CDH8: variants seen among roughly 807,000 people sequenced by gnomAD.
CDH8 encodes the protein cadherin 8.
A neutral mutation model predicts 68.1 loss-of-function variants in CDH8; 17 were observed. The ratio of observed to expected loss-of-function variants is 0.25; its 90% CI spans 0.17 to 0.37. CDH8 has a LOEUF of 0.37. Among genes scored for constraint, CDH8 ranks in the 10% least tolerant of loss-of-function variants. The pLI, the probability that CDH8 is intolerant of heterozygous loss-of-function variation, is 1.00. For missense variants in CDH8, 763 were observed against 999.3 expected (o/e 0.76, Z 3.19); for synonymous variants, 372 against 365.1 (o/e 1.02, Z -0.21).
rs1961668806 is a variant in CDH8, at chr16:61,802,300, C to T, written c.1278-12818G>A. Among the ~76,000 whole-genome samples, 3 of 63,444 alleles carry T rather than the reference C, an allele frequency of 4.7e-5. No homozygotes were observed. In the South Asian group the frequency reaches 1.8e-3, roughly 38 times the overall value. The allele number at this position is 63,444 out of a possible 152,430, so 41.6% of individuals were successfully genotyped here. A position where few individuals can be genotyped will look rare whatever the true frequency, so the allele number is the denominator to read the frequency against. On this transcript the variant is annotated intron_variant, in intron 7 of 11. Transcript: ENST00000577390. ...CTAACAAACAGAAAGGACATCCACACCGAAAACCCATCTGTACATCACCAT... is the reference window on the plus strand; with the variant it reads ...CTAACAAACAGAAAGGACATCCACATCGAAAACCCATCTGTACATCACCAT...
intron 2 of CDH8, among the ~76,000 whole-genome samples, chr16:62,016,572 A>T (rs1404052806): frequency 2.0e-5 from 3 of 152,212 alleles, no homozygotes; most frequent in Admixed American, 6.5e-5. Context: ...AAATAAGCAT[A>T]ATTGGGCTAA....
At chr16:61,972,157 A>G (rs949608331) in intron 2 of CDH8, among the ~76,000 whole-genome samples, 7 of 152,224 alleles carry the variant, frequency 4.6e-5, no homozygotes, top group South Asian at 2.1e-4. Context: ...TATAAATAAG[A>G]GTTCCCCTGC....
rs1012189172 is a variant in CDH8, at chr16:61,649,343, T to C, written c.*4265A>G. ...AGCCACAATTTCAATTTGTTGGCAG[T>C]GCGTGAGATTATGAGATGAAAAATT... On this transcript the variant is annotated 3_prime_UTR_variant, in exon 12 of 12. Coordinates refer to ENST00000577390, the MANE Select transcript of CDH8 (RefSeq NM_001796.5). The C allele has an allele frequency of 1.3e-5, 2 of 151,852 alleles. No homozygotes were observed. The highest frequency in any genetic ancestry group is 4.8e-5 in the African/African-American group (2 of 41,390). The allele number at this position is 151,852 out of a possible 1,614,324, so 9.4% of individuals were successfully genotyped here. A position where few individuals can be genotyped will look rare whatever the true frequency, so the allele number is the denominator to read the frequency against.
chr16:61,769,025 A>C lies in CDH8; in HGVS notation c.1414+20321T>G, dbSNP rs992462175. ...CAATATTTACCATATTGTAAGTTGA[A>C]CACACACACACACAAGAATATAGAA... On this transcript the variant is annotated intron_variant, in intron 8 of 11. Coordinates refer to ENST00000577390, the MANE Select transcript of CDH8 (RefSeq NM_001796.5). Among the ~76,000 whole-genome samples the C allele has an allele frequency of 2.0e-5, 3 of 151,358 alleles. No individual in the cohort carries two copies. The East Asian group carries it at 5.8e-4, about 29-fold the overall frequency.
rs773639196 is a variant in CDH8 at position 61,716,940 on chromosome 16, AAG to A, written c.1537-2984_1537-2983del. Among the ~76,000 whole-genome samples, 131 of 151,788 alleles carry A rather than the reference AAG, an allele frequency of 8.6e-4. No individual in the cohort carries two copies. In the Middle Eastern group the frequency reaches 0.014, roughly 16 times the overall value. On this transcript the variant is annotated intron_variant, in intron 9 of 11. Transcript: ENST00000577390. Reference sequence around the variant, plus strand: ...ACTTAGCTTTAAACAGTAAAAGAAAAAGAACAGATTTGTTCAAAGAAATGTAC... The same window carrying A: ...ACTTAGCTTTAAACAGTAAAAGAAAAAACAGATTTGTTCAAAGAAATGTAC...
At chr16:61,747,134 T>C (rs1960043334) in intron 8 of CDH8, among the ~76,000 whole-genome samples, 1 of 152,114 alleles carries the variant, frequency 6.6e-6, no homozygotes, top group Non-Finnish European at 1.5e-5. Context: ...CTAACTGAAT[T>C]AGTATCCATA....
At chr16:61,860,848 C>T (rs966881653) in intron 3 of CDH8, among the ~76,000 whole-genome samples, 5 of 151,984 alleles carry the variant, frequency 3.3e-5, no homozygotes, top group Admixed American at 6.6e-5. Flanking sequence ...TCTGAAAAAC[C>T]GTGTTGTTTT....
In CDH8 at chr16:61,649,682, T is replaced by G. The variant is rs2142728454; in HGVS notation, c.*3926A>C. ...TTCAATCAAAAAGGCAATCAGAAGG[T>G]TATACATTCGTGAGATTCCCTGCAA... is the stretch of plus-strand genomic sequence containing the variant. On this transcript the variant is annotated 3_prime_UTR_variant, in exon 12 of 12. Transcript: ENST00000577390. 1 of 152,068 alleles carries G rather than the reference T, an allele frequency of 6.6e-6. No individual in the cohort carries two copies. The highest frequency in any genetic ancestry group is 1.5e-5 in the Non-Finnish European group (1 of 67,974). The allele number at this position is 152,068 out of a possible 1,614,324, so 9.4% of individuals were successfully genotyped here.
Position 61,932,218 on chromosome 16 carries a change from A to AAAAAGAAAAG in CDH8, c.253-30755_253-30746dup, listed in dbSNP as rs1555522372. On this transcript the variant is annotated intron_variant, in intron 2 of 11. Coordinates refer to ENST00000577390, the MANE Select transcript of CDH8 (RefSeq NM_001796.5). ...GCAAAACTCCGTCTCAAAAAAAAAAAAAAAGAAAAGAAAAGAAAAAGCACA... is the reference window on the plus strand; with the variant it reads ...GCAAAACTCCGTCTCAAAAAAAAAAAAAAAGAAAAGAAAAGAAAAGAAAAGAAAAAGCACA... 2.9e-3 allele frequency among the ~76,000 whole-genome samples: 431 copies of AAAAAGAAAAG among 146,772 alleles called. 1 individual carries two copies. The highest frequency in any genetic ancestry group is 5.6e-3 in the South Asian group (26 of 4,670).
At chr16:61,874,525 G>T (rs1963427481) in intron 3 of CDH8, among the ~76,000 whole-genome samples, 2 of 151,922 alleles carry the variant, frequency 1.3e-5, no homozygotes, top group Non-Finnish European at 2.9e-5. Context: ...TAGAGACAGG[G>T]TTTCACCATG....
In CDH8 at chr16:61,768,398, T is replaced by TCTCTCTC. The variant is rs1960684849; in HGVS notation, c.1414+20947_1414+20948insGAGAGAG. Among the ~76,000 whole-genome samples, 72 of 35,204 alleles carry TCTCTCTC rather than the reference T, an allele frequency of 2.0e-3. 1 individual carries two copies. Among genetic ancestry groups the TCTCTCTC allele is most frequent in the Non-Finnish European group, 2.6e-3 (51 of 19,844 alleles). The allele number at this position is 35,204 out of a possible 152,430, so 23.1% of individuals were successfully genotyped here. ...TCTCTCTCTCTCTCTCTCTCTCCCT[T>TCTCTCTC]TCTCTCTCTCTCTCTCTCTCTCTCT... On this transcript the variant is annotated intron_variant, in intron 8 of 11. Coordinates refer to ENST00000577390, the MANE Select transcript of CDH8 (RefSeq NM_001796.5).
intron 8 of CDH8, among the ~76,000 whole-genome samples, chr16:61,775,708 C>A (rs537943627): frequency 6.6e-6 from 1 of 152,100 alleles, no homozygotes; most frequent in South Asian, 2.1e-4. Context: ...TGCTAAAGCA[C>A]CCCGGACTAA....
At chr16:61,933,695 T>C (rs1964582309) in intron 2 of CDH8, among the ~76,000 whole-genome samples, 1 of 152,136 alleles carries the variant, frequency 6.6e-6, no homozygotes, top group Admixed American at 6.5e-5. Context: ...TGCCTGTTTT[T>C]TTCTTTTAGT....
chr16:61,789,531 T>G, intron 7 of CDH8, 49 bp from the exon 8 acceptor site: 1 of 1,563,912 alleles, frequency 6.4e-7, no homozygotes, highest in African/African-American at 1.4e-5. Flanking sequence ...ATATGATCCA[T>G]ACATTCCACA....
intron 2 of CDH8, among the ~76,000 whole-genome samples, chr16:61,984,750 A>C (rs2150584931): frequency 6.6e-6 from 1 of 152,282 alleles, no homozygotes; most frequent in East Asian, 1.9e-4. Flanking sequence ...TGCTTAATAA[A>C]TGCTTCCCTA....
intron 7 of CDH8, among the ~76,000 whole-genome samples, chr16:61,808,730 A>G (rs553038126): frequency 6.6e-6 from 1 of 152,350 alleles, no homozygotes; most frequent in East Asian, 1.9e-4. Flanking sequence ...TGACTGTTCA[A>G]CTTACTGATG....
chr16:61,986,134 G>A (rs1965623177), intron 2 of CDH8, among the ~76,000 whole-genome samples: 1 of 151,394 alleles, frequency 6.6e-6, no homozygotes, highest in South Asian at 2.1e-4. Context: ...ATGTTGGCCA[G>A]GCTGGTCTTG....
At chr16:61,789,291 A>C in intron 8 of CDH8, 55 bp downstream of exon 8, 1 of 1,516,204 alleles carries the variant, frequency 6.6e-7, no homozygotes, top group Non-Finnish European at 9.0e-7. Context: ...GTTATTAATA[A>C]GCATAAATTG....
intron 7 of CDH8, among the ~76,000 whole-genome samples, chr16:61,809,886 G>A (rs1182990148): frequency 1.3e-5 from 2 of 152,152 alleles, no homozygotes; most frequent in Non-Finnish European, 2.9e-5. Context: ...CAAAGACCGT[G>A]GAATTCAAAG....
Sources: gnomAD v4.1 joint callset for allele counts (sites outside exome capture counted in the v4.1 genomes callset) on GRCh38, gnomAD v4.1.1 for gene constraint, MANE v1.5 for transcripts, NCBI Gene and HGNC (gene_info 2026-07-23, HGNC 2026-07-21) for gene names.